The following ELFN2 variants were observed in gnomAD, a reference collection of about 807,000 sequenced individuals.
ELFN2 encodes the protein protein phosphatase 1 regulatory subunit 29.
ELFN2 carries 17 observed loss-of-function variants against 45.5 expected under a neutral mutation model. The ratio of observed to expected loss-of-function variants is 0.37; its 90% CI spans 0.26 to 0.56. ELFN2 has a LOEUF of 0.56. Ranked by LOEUF, ELFN2 falls within the 20% of genes least tolerant of loss-of-function variation. The pLI is 0.77. For missense variants in ELFN2, 922 were observed against 1,183.2 expected, an observed-to-expected ratio of 0.78 and a Z score of 3.24; for synonymous variants, 550 against 551.5, an observed-to-expected ratio of 1.00 and a Z score of 0.04.
At chr22:37,383,152 C>T (rs1931835347) in intron 2 of ELFN2, among the ~76,000 whole-genome samples, 1 of 152,170 alleles carries the variant, frequency 6.6e-6, no homozygotes, top group Admixed American at 6.5e-5. Context: ...CAACGTGTCG[C>T]CTGGAGCCAA....
chr22:37,390,214 C>A (rs528313808), intron 2 of ELFN2, among the ~76,000 whole-genome samples: 1 of 152,352 alleles, frequency 6.6e-6, no homozygotes, highest in African/African-American at 2.4e-5. Flanking sequence ...AAACAGTAAA[C>A]CCCAGCTCAC....
chr22:37,346,372 T>C (rs530547800), intron 1 of ELFN2, among the ~76,000 whole-genome samples: 11 of 151,930 alleles, frequency 7.2e-5, no homozygotes, highest in Non-Finnish European at 1.6e-4. Context: ...CCCTCCAGTC[T>C]CCAGCACCTC....
chr22:37,426,354 GCGCA>G (rs1298768116), intron 1 of ELFN2, among the ~76,000 whole-genome samples: 15 of 134,314 alleles, frequency 1.1e-4, no homozygotes, highest in African/African-American at 3.6e-4. Context: ...ACGCGCGCGC[GCGCA>G]CACACACACA....
intron 1 of ELFN2, among the ~76,000 whole-genome samples, chr22:37,422,846 C>T (rs923497756): frequency 1.1e-4 from 16 of 151,268 alleles, no homozygotes; most frequent in Non-Finnish European, 2.1e-4. Flanking sequence ...CCTTCTGCCT[C>T]GGCCTCCCAA....
intron 2 of ELFN2, among the ~76,000 whole-genome samples, chr22:37,408,077 G>A (rs1304359408): frequency 6.6e-6 from 1 of 152,174 alleles, no homozygotes; most frequent in East Asian, 1.9e-4. Context: ...GAGTTCTCAC[G>A]AGTTTCTCCA....
chr22:37,352,421 A>C (rs535734631), intron 1 of ELFN2: 1 of 150,754 alleles, frequency 6.6e-6, no homozygotes, highest in African/African-American at 2.4e-5. Context: ...CCCCACCAGC[A>C]AGTCCTCTTG....
rs1354881403 is a variant in ELFN2 at position 37,417,881 on chromosome 22, G to C, written c.-575C>G. 1.3e-5 allele frequency: 2 copies of C among 152,520 alleles called. No individual in the cohort carries two copies. Among genetic ancestry groups the C allele is most frequent in the Non-Finnish European group, 1.5e-5 (1 of 68,374 alleles). 9.4% of individuals were successfully genotyped at this position (152,520 alleles called of 1,614,324 possible). Reference sequence around the variant, plus strand: ...CAATGAGATCTCAGGTCCTGGCCCAGCCCGGGTGGCAGCAGCTCCTCACCC... The same window carrying C: ...CAATGAGATCTCAGGTCCTGGCCCACCCCGGGTGGCAGCAGCTCCTCACCC... On this transcript the variant is annotated 5_prime_UTR_variant, in exon 2 of 3. Coordinates refer to ENST00000402918, the MANE Select transcript of ELFN2 (RefSeq NM_052906.5). The surrounding 1 kb of genome is among the most constrained non-coding windows in gnomAD (Gnocchi z 4.5).
rs1292318354 is a variant in ELFN2, at chr22:37,374,108, A to C, written c.1427T>G (p.Met476Arg). ...PVSRMASIPSMIGEKLPTAKG... is the reference protein window; with the variant it reads ...PVSRMASIPSRIGEKLPTAKG... The stretch of plus-strand genomic sequence containing the variant: ...GGCGGTGGGCAGCTTCTCCCCGATC[A>C]TGGAGGGGATGGAGGCCATGCGAGA... Residue 476 changes from methionine (M) to arginine (R), a missense_variant, in exon 3 of 3, where the codon ATG (methionine) becomes AGG (arginine). Transcript: ENST00000402918. 1 of 1,612,978 alleles carries C rather than the reference A, an allele frequency of 6.2e-7. No individual in the cohort carries two copies. The highest frequency in any genetic ancestry group is 8.5e-7 in the Non-Finnish European group (1 of 1,179,996).
chr22:37,386,424 C>A (rs1312504062), intron 2 of ELFN2, among the ~76,000 whole-genome samples: 1 of 152,224 alleles, frequency 6.6e-6, no homozygotes, highest in Admixed American at 6.5e-5. Context: ...CCCTCTAGGC[C>A]CAGGCTGAGA....
intron 2 of ELFN2, among the ~76,000 whole-genome samples, chr22:37,383,938 C>T (rs1263786905): frequency 6.6e-6 from 1 of 152,122 alleles, no homozygotes; most frequent in Non-Finnish European, 1.5e-5. Flanking sequence ...AAGTCAGCAC[C>T]TCATTTCCCT....
downstream of ELFN2, among the ~76,000 whole-genome samples, chr22:37,366,342 G>A (rs1342385373): frequency 2.0e-5 from 3 of 152,206 alleles, no homozygotes; most frequent in East Asian, 1.9e-4. Context: ...TCCACCCACC[G>A]GAGCAAAGCC....
intron 1 of ELFN2, among the ~76,000 whole-genome samples, chr22:37,426,075 C>T (rs1316350142): frequency 1.3e-5 from 2 of 152,184 alleles, no homozygotes; most frequent in East Asian, 3.9e-4. Context: ...GCAGCCCAGA[C>T]ACACACACAC....
intron 2 of ELFN2, among the ~76,000 whole-genome samples, chr22:37,386,547 C>G (rs192861706): frequency 6.6e-6 from 1 of 152,356 alleles, no homozygotes; most frequent in South Asian, 2.1e-4. Flanking sequence ...TTCCCTCCCC[C>G]TGGCCCTGAG....
intron 2 of ELFN2, among the ~76,000 whole-genome samples, chr22:37,386,687 G>A (rs1320988327): frequency 6.6e-6 from 1 of 152,208 alleles, no homozygotes; most frequent in Non-Finnish European, 1.5e-5. Context: ...TCGACATCGA[G>A]CCCCGGAAAC....
intron 2 of ELFN2, among the ~76,000 whole-genome samples, chr22:37,413,664 C>A (rs553370748): frequency 6.6e-6 from 1 of 152,212 alleles, no homozygotes; most frequent in South Asian, 2.1e-4. Flanking sequence ...AAGCCCACTG[C>A]CTCCTAGAAG....
At chr22:37,408,294 G>A (rs750776809) in intron 2 of ELFN2, among the ~76,000 whole-genome samples, 3 of 152,206 alleles carry the variant, frequency 2.0e-5, no homozygotes, top group Non-Finnish European at 2.9e-5. Context: ...TCCCAATCAC[G>A]GGATCTGCGG....
chr22:37,374,252 T>G lies in ELFN2; in HGVS notation c.1283A>C (p.Lys428Thr). Residue 428 changes from lysine to threonine, a missense_variant, in exon 3 of 3, where the codon AAG (lysine) becomes ACG (threonine). Lys to Thr is a moderately conservative substitution (Grantham distance 78). Coordinates refer to ENST00000402918, the MANE Select transcript of ELFN2 (RefSeq NM_052906.5). ...CLRKRRMQEEKQKSVNVKKTI... is the reference protein window; with the variant it reads ...CLRKRRMQEETQKSVNVKKTI... The stretch of plus-strand genomic sequence containing the variant: ...CTTCTTGACGTTGACAGACTTCTGC[T>G]TCTCCTCCTGCATGCGCCGCTTGCG... 6.2e-7 allele frequency: 1 copy of G among 1,614,008 alleles called. No individual in the cohort carries two copies. The highest frequency in any genetic ancestry group is 8.5e-7 in the Non-Finnish European group (1 of 1,180,032).
chr22:37,362,453 C>T (rs1183396519), intron 1 of ELFN2, among the ~76,000 whole-genome samples: 1 of 152,164 alleles, frequency 6.6e-6, no homozygotes. Flanking sequence ...CAGCAGGAAC[C>T]AGAATTTTAG....
In ELFN2 at chr22:37,374,978, G is replaced by A; in HGVS notation, c.557C>T (p.Pro186Leu). The A allele has an allele frequency of 6.2e-7, 1 of 1,613,372 alleles. No homozygotes were observed. The highest frequency in any genetic ancestry group is 8.5e-7 in the Non-Finnish European group (1 of 1,180,024). ...GAAGAGGTCGCACTCACAGTTGAAG[G>A]GGTTGCCGGCCAGCTCACACACCAT... ...SLMVCELAGN[P>L]FNCECDLFGF... Residue 186 changes from proline to leucine, a missense_variant, in exon 3 of 3, where the codon CCC becomes CTC. Pro to Leu is a moderately conservative substitution (Grantham distance 98). Coordinates refer to ENST00000402918, the MANE Select transcript of ELFN2 (RefSeq NM_052906.5).
Sources: allele counts gnomAD v4.1 joint callset (sites outside exome capture counted in the v4.1 genomes callset), GRCh38; gene constraint gnomAD v4.1.1; non-coding constraint Gnocchi (gnomAD v3.1); transcripts MANE v1.5; gene names NCBI Gene and HGNC (gene_info 2026-07-23, HGNC 2026-07-21).